The following SIPA1L1 variants were observed in gnomAD, a reference collection of about 807,000 sequenced individuals.
The protein encoded by SIPA1L1 is signal-induced proliferation-associated 1-like protein 1.
SIPA1L1 carries 26 observed loss-of-function variants against 162.7 expected under a neutral mutation model. The observed-to-expected ratio is 0.16, with a 90% confidence interval of 0.12 to 0.22. SIPA1L1 has a LOEUF of 0.22. Among genes scored for constraint, SIPA1L1 ranks in the 10% least tolerant of loss-of-function variants. The pLI, the probability that SIPA1L1 is intolerant of heterozygous loss-of-function variation, is 1.00. For synonymous variants in SIPA1L1, 829 were observed against 837.4 expected, an observed-to-expected ratio of 0.99 and a Z score of 0.17; for missense variants, 1,874 against 2,241.0, an observed-to-expected ratio of 0.84 and a Z score of 3.31.
At chr14:71,466,980 A>T (rs7150281) in intron 2 of SIPA1L1, among the ~76,000 whole-genome samples, 8,601 of 152,260 alleles carry the variant, frequency 0.056, 601 homozygotes, top group African/African-American at 0.16. Context: ...TAATATTTAA[A>T]TGATTTTAGG....
intron 2 of SIPA1L1, among the ~76,000 whole-genome samples, chr14:71,445,876 C>G (rs577621750): frequency 3.9e-4 from 60 of 152,136 alleles, no homozygotes; most frequent in African/African-American, 1.4e-3. Flanking sequence ...GGAGACAGAG[C>G]CTTGCTCTGT....
chr14:71,367,822 G>T lies in SIPA1L1; in HGVS notation c.-465+46641G>T, dbSNP rs143927665. On this transcript the variant is annotated intron_variant, in intron 2 of 23. Coordinates refer to ENST00000381232, the MANE Select transcript of SIPA1L1 (RefSeq NM_001386936.1). The stretch of plus-strand genomic sequence containing the variant: ...GGGTTTCACCATGTTGGCCAGGCTG[G>T]TCTCGAACTCCTCACCTCAGGTAAC... Among the ~76,000 whole-genome samples the T allele has an allele frequency of 1.3e-3, 198 of 149,072 alleles. No homozygotes were observed. The East Asian group carries it at 0.017, about 13-fold the overall frequency.
intron 10 of SIPA1L1, among the ~76,000 whole-genome samples, chr14:71,667,855 G>A (rs1447155016): frequency 1.3e-5 from 2 of 152,126 alleles, no homozygotes; most frequent in African/African-American, 4.8e-5. Context: ...CATGAAGTCA[G>A]GAGATCGAGA....
intron 4 of SIPA1L1, among the ~76,000 whole-genome samples, chr14:71,554,209 T>C (rs1234153946): frequency 6.6e-6 from 1 of 152,178 alleles, no homozygotes; most frequent in African/African-American, 2.4e-5. Context: ...TGTCTTGATA[T>C]TGAACCTTGG....
intron 2 of SIPA1L1, among the ~76,000 whole-genome samples, chr14:71,345,326 T>A (rs535876795): frequency 1.3e-5 from 2 of 152,304 alleles, no homozygotes; most frequent in East Asian, 1.9e-4. Context: ...CAGACAGTTG[T>A]TGACGCTTTC....
At chr14:71,623,399 C>T (rs1043219287) in intron 6 of SIPA1L1, among the ~76,000 whole-genome samples, 1 of 152,174 alleles carries the variant, frequency 6.6e-6, no homozygotes, top group Non-Finnish European at 1.5e-5. Flanking sequence ...CTGAAAACAA[C>T]ATCATTACGT....
intron 2 of SIPA1L1, among the ~76,000 whole-genome samples, chr14:71,425,011 C>T (rs2043459342): frequency 6.6e-6 from 1 of 151,932 alleles, no homozygotes; most frequent in Non-Finnish European, 1.5e-5. Context: ...TTCTAGGAAT[C>T]CATTTTTTCT....
At chr14:71,353,013 T>A (rs1486878855) in intron 2 of SIPA1L1, among the ~76,000 whole-genome samples, 1 of 152,208 alleles carries the variant, frequency 6.6e-6, no homozygotes, top group African/African-American at 2.4e-5. Context: ...TGTGTTGTGG[T>A]TAAATGACCA....
intron 2 of SIPA1L1, among the ~76,000 whole-genome samples, chr14:71,474,015 G>T (rs2047666696): frequency 1.3e-5 from 2 of 152,154 alleles, no homozygotes; most frequent in African/African-American, 2.4e-5. Context: ...AGTGCAAAGG[G>T]TCCTGCATTC....
Position 71,694,382 on chromosome 14 carries a change from A to G in SIPA1L1, c.3375-4599A>G, listed in dbSNP as rs376478375. Among the ~76,000 whole-genome samples the G allele has an allele frequency of 1.5e-3, 230 of 152,294 alleles. 2 individuals are homozygous for G. The highest frequency in any genetic ancestry group is 5.1e-3 in the African/African-American group (210 of 41,556). On this transcript the variant is annotated intron_variant, in intron 13 of 23. Transcript: ENST00000381232. ...TTTTCACTGCAGTGAAGTGCATTGC[A>G]TATAAATGAAAAGCTGGTGTTTAGT... is the stretch of plus-strand genomic sequence containing the variant.
intron 2 of SIPA1L1, among the ~76,000 whole-genome samples, chr14:71,388,677 T>C (rs1281541536): frequency 6.6e-6 from 1 of 152,240 alleles, no homozygotes; most frequent in Non-Finnish European, 1.5e-5. Context: ...TGGTAGAAGC[T>C]TAAATACACG....
At chr14:71,328,779 A>C (rs1594832552) in intron 2 of SIPA1L1, among the ~76,000 whole-genome samples, 1 of 152,224 alleles carries the variant, frequency 6.6e-6, no homozygotes, top group African/African-American at 2.4e-5. Context: ...CTTTTAAAAA[A>C]ATTGTGGTAA....
intron 16 of SIPA1L1, among the ~76,000 whole-genome samples, chr14:71,706,405 T>A (rs1329831194): frequency 6.6e-6 from 1 of 152,240 alleles, no homozygotes; most frequent in Non-Finnish European, 1.5e-5. Flanking sequence ...TTATTAAAAT[T>A]AATTTCACAT....
chr14:71,686,474 T>C (rs886290177), intron 13 of SIPA1L1, among the ~76,000 whole-genome samples: 1 of 152,244 alleles, frequency 6.6e-6, no homozygotes, highest in East Asian at 1.9e-4. Context: ...CCTCAAATCA[T>C]GTACACTAAA....
intron 5 of SIPA1L1, among the ~76,000 whole-genome samples, chr14:71,613,341 C>CT (rs2038438701): frequency 6.6e-6 from 1 of 150,972 alleles, no homozygotes; most frequent in Admixed American, 6.6e-5. Context: ...ATCAAAGTTG[C>CT]CACATGTATA....
intron 2 of SIPA1L1, among the ~76,000 whole-genome samples, chr14:71,390,726 A>G (rs905916666): frequency 6.6e-6 from 1 of 152,180 alleles, no homozygotes; most frequent in Non-Finnish European, 1.5e-5. Context: ...TGGAGGTTGC[A>G]GTGAGCTAAG....
intron 2 of SIPA1L1, among the ~76,000 whole-genome samples, chr14:71,489,548 C>A (rs1382263887): frequency 1.3e-5 from 2 of 151,962 alleles, no homozygotes; most frequent in Non-Finnish European, 2.9e-5. Flanking sequence ...ATATATTCTT[C>A]AGTGTGATTT....
At chr14:71,714,683 G>A (rs2083132773) in intron 17 of SIPA1L1, among the ~76,000 whole-genome samples, 1 of 152,012 alleles carries the variant, frequency 6.6e-6, no homozygotes, top group South Asian at 2.1e-4. Context: ...CTGGGCTCAA[G>A]TGATCCTCCC....
chr14:71,487,899 A>G (rs998004668), intron 2 of SIPA1L1, among the ~76,000 whole-genome samples: 2 of 152,206 alleles, frequency 1.3e-5, no homozygotes, highest in African/African-American at 4.8e-5. Flanking sequence ...TAGAGCTGCA[A>G]AAGAGAACAA....
Sources: gnomAD v4.1 joint callset for allele counts (sites outside exome capture counted in the v4.1 genomes callset) on GRCh38, gnomAD v4.1.1 for gene constraint, MANE v1.5 for transcripts, NCBI Gene and HGNC (gene_info 2026-07-23, HGNC 2026-07-21) for gene names.